The following CLSTN1 variants were observed in gnomAD, a reference collection of about 807,000 sequenced individuals.
CLSTN1 encodes the protein calsyntenin 1.
In CLSTN1, 28 loss-of-function variants were observed where a neutral mutation model predicts 108.3. That is an observed-to-expected ratio of 0.26 (90% CI 0.19 to 0.35). CLSTN1 has a LOEUF of 0.35. Ranked by LOEUF, CLSTN1 falls within the 10% of genes least tolerant of loss-of-function variation. The probability of loss-of-function intolerance (pLI) is 1.00; values close to 1 mark genes in which losing one functional copy is unlikely to be tolerated. For synonymous variants in CLSTN1, 524 were observed against 534.9 expected (o/e 0.98, Z 0.28); for missense variants, 1,157 against 1,302.6 (o/e 0.89, Z 1.72).
chr1:9,805,409 G>A (rs1654463111), intron 1 of CLSTN1, among the ~76,000 whole-genome samples: 1 of 152,152 alleles, frequency 6.6e-6, no homozygotes, highest in African/African-American at 2.4e-5. Flanking sequence ...CTATATCTGT[G>A]TGAAGCTCAG....
chr1:9,780,013 C>G (rs187467629), intron 1 of CLSTN1, among the ~76,000 whole-genome samples: 5 of 152,060 alleles, frequency 3.3e-5, no homozygotes, highest in Middle Eastern at 6.8e-3. Context: ...TCACCACACT[C>G]GGCTAATTTT....
intron 10 of CLSTN1, among the ~76,000 whole-genome samples, chr1:9,740,708 C>T (rs917079563): frequency 2.0e-5 from 3 of 152,188 alleles, no homozygotes; most frequent in African/African-American, 7.2e-5. Context: ...GTCCAAGGCG[C>T]ACTTCTACTT....
intron 1 of CLSTN1, among the ~76,000 whole-genome samples, chr1:9,818,320 T>G (rs551543440): frequency 1.4e-4 from 21 of 151,464 alleles, no homozygotes; most frequent in Non-Finnish European, 1.9e-4. Flanking sequence ...GTTTGGGTTT[T>G]TTTTTGTTTT....
In CLSTN1 at chr1:9,789,075, G is replaced by A. The variant is rs1289586473; in HGVS notation, c.92-15681C>T. 6.6e-5 allele frequency among the ~76,000 whole-genome samples: 10 copies of A among 151,406 alleles called. No homozygotes were observed. In the Admixed American group the frequency reaches 6.7e-4, roughly 10 times the overall value. The stretch of plus-strand genomic sequence containing the variant: ...ACCATGTTTTGCTTATCCATTCCCT[G>A]GTTAACAGACGCTGGGTTGCTTCCA... On this transcript the variant is annotated intron_variant, in intron 1 of 18. Transcript: ENST00000377298.
At chr1:9,753,962 G>A (rs1311781072) in intron 4 of CLSTN1, among the ~76,000 whole-genome samples, 1 of 152,012 alleles carries the variant, frequency 6.6e-6, no homozygotes, top group Non-Finnish European at 1.5e-5. Context: ...ACAGGCATGT[G>A]CCACCATACC....
At position 9,784,172 on chromosome 1, in the gene CLSTN1, CAAA is replaced by C. The variant is rs34315931; in HGVS notation, c.92-10781_92-10779del. Among the ~76,000 whole-genome samples the C allele has an allele frequency of 5.5e-3, 463 of 83,678 alleles. 6 individuals carry two copies. In the East Asian group the frequency reaches 0.064, roughly 11 times the overall value. 54.9% of individuals were successfully genotyped at this position (83,678 alleles called of 152,430 possible). ...GGGCGACAGGAGCGAAACTCTATCT[CAAA>C]AAAAAAAAAAAAAAAAAATTAACCA... On this transcript the variant is annotated intron_variant, in intron 1 of 18. Transcript: ENST00000377298.
rs548461179 is a variant in CLSTN1 at position 9,773,423 on chromosome 1, A to G, written c.92-29T>C. ...TGTTTAAAACAAGAGAAAAAAATAG[A>G]CAAGGTTAGAAATATTATTTTCAAC... On this transcript the variant is annotated intron_variant, in intron 1 of 18. Transcript: ENST00000377298. The G allele has an allele frequency of 3.8e-6, 6 of 1,569,290 alleles. No individual in the cohort carries two copies. In the South Asian group the frequency reaches 4.7e-5, roughly 12 times the overall value.
intron 6 of CLSTN1, 30 bp from the exon 7 acceptor site, chr1:9,749,676 G>A: frequency 1.2e-6 from 2 of 1,611,604 alleles, no homozygotes; most frequent in Non-Finnish European, 1.7e-6. Context: ...AGCAGGGGAA[G>A]AGAGAAGGAA....
intron 1 of CLSTN1, among the ~76,000 whole-genome samples, chr1:9,815,560 T>C (rs1012168959): frequency 6.6e-6 from 1 of 152,168 alleles, no homozygotes; most frequent in Admixed American, 6.6e-5. Context: ...ATTCGAAAAA[T>C]GCTCCTGTGA....
chr1:9,764,119 A>G (rs746585197), intron 2 of CLSTN1, among the ~76,000 whole-genome samples: 7 of 151,316 alleles, frequency 4.6e-5, no homozygotes, highest in Non-Finnish European at 7.4e-5. Flanking sequence ...AGAGAGAGAG[A>G]GAGAGAGAGA....
chr1:9,758,755 C>T (rs1651935597), intron 2 of CLSTN1, among the ~76,000 whole-genome samples: 1 of 152,062 alleles, frequency 6.6e-6, no homozygotes, highest in African/African-American at 2.4e-5. Flanking sequence ...TAAAACATTG[C>T]CTGGCGGAAA....
At chr1:9,806,221 G>A (rs986721428) in intron 1 of CLSTN1, among the ~76,000 whole-genome samples, 1 of 151,862 alleles carries the variant, frequency 6.6e-6, no homozygotes, top group Non-Finnish European at 1.5e-5. Flanking sequence ...ACCCAGGGCA[G>A]GGGGGGTGGA....
intron 4 of CLSTN1, 68 bp from the exon 5 acceptor site, chr1:9,751,749 G>A (rs1651571835): frequency 4.3e-6 from 6 of 1,404,530 alleles, no homozygotes; most frequent in Non-Finnish European, 5.0e-6. Flanking sequence ...CAGAGAGTGT[G>A]TATGTGTGTT....
At chr1:9,786,648 CAAAAAAAAA>C (rs36003203) in intron 1 of CLSTN1, among the ~76,000 whole-genome samples, 2 of 37,094 alleles carry the variant, frequency 5.4e-5, no homozygotes, top group African/African-American at 1.6e-4. Context: ...GACTCCGTCT[CAAAAAAAAA>C]AAAAAAAAAA....
chr1:9,771,941 T>C (rs115427571), intron 2 of CLSTN1, among the ~76,000 whole-genome samples: 12 of 151,682 alleles, frequency 7.9e-5, no homozygotes, highest in Admixed American at 7.9e-4. Context: ...TACAAATTCA[T>C]CCAATTTTTC....
chr1:9,782,717 T>C (rs756146641), intron 1 of CLSTN1, among the ~76,000 whole-genome samples: 7 of 152,166 alleles, frequency 4.6e-5, no homozygotes, highest in Non-Finnish European at 1.0e-4. Context: ...AAAGAGAGGC[T>C]AGACCCGGGC....
chr1:9,782,939 G>A (rs1051220212), intron 1 of CLSTN1, among the ~76,000 whole-genome samples: 10 of 152,194 alleles, frequency 6.6e-5, no homozygotes, highest in African/African-American at 9.6e-5. Context: ...CCTGGGAGGC[G>A]GAGGCTGCAG....
intron 1 of CLSTN1, among the ~76,000 whole-genome samples, chr1:9,786,643 C>T (rs567139448): frequency 4.3e-5 from 5 of 116,668 alleles, no homozygotes; most frequent in South Asian, 3.3e-4. Flanking sequence ...AGTGAGACTC[C>T]GTCTCAAAAA....
Position 9,823,748 on chromosome 1 carries a change from G to C in CLSTN1, c.-15C>G, listed in dbSNP as rs1055132801. The stretch of plus-strand genomic sequence containing the variant: ...CGGCGCAGCATCGCCAGCCCGGGGC[G>C]GGAGCGGCAGGGAGGCGCGCGGGAC... On this transcript the variant is annotated 5_prime_UTR_variant, in exon 1 of 19. Coordinates refer to ENST00000377298, the MANE Select transcript of CLSTN1 (RefSeq NM_001009566.3). This position sits in a 1 kb window ranked among gnomAD's most constrained non-coding sequence, Gnocchi z 6.3. The C allele has an allele frequency of 3.1e-5, 32 of 1,030,624 alleles. No individual in the cohort carries two copies. Among genetic ancestry groups the C allele is most frequent in the Non-Finnish European group, 3.7e-5 (32 of 859,258 alleles). The allele number at this position is 1,030,624 out of a possible 1,614,324, so 63.8% of individuals were successfully genotyped here.
Sources: allele counts gnomAD v4.1 joint callset (sites outside exome capture counted in the v4.1 genomes callset), GRCh38; gene constraint gnomAD v4.1.1; non-coding constraint Gnocchi (gnomAD v3.1); transcripts MANE v1.5; gene names NCBI Gene and HGNC (gene_info 2026-07-23, HGNC 2026-07-21).